ADAMTS3: variants seen among roughly 807,000 people sequenced by gnomAD.
ADAMTS3 encodes the protein ADAM metallopeptidase with thrombospondin type 1 motif 3.
In ADAMTS3, 73 loss-of-function variants were observed where a neutral mutation model predicts 129.0. The observed-to-expected ratio is 0.57, with a 90% CI of 0.47 to 0.69. The LOEUF (loss-of-function observed/expected upper bound fraction) is 0.69, where lower values mean the gene tolerates loss of function less well. ADAMTS3 is among the 30% of genes least tolerant of loss of function. The pLI, the probability that ADAMTS3 is intolerant of heterozygous loss-of-function variation, is 0.00. For synonymous variants in ADAMTS3, 477 were observed against 510.8 expected (o/e 0.93, Z 0.89); for missense variants, 1,457 against 1,514.5 (o/e 0.96, Z 0.63).
intron 4 of ADAMTS3, among the ~76,000 whole-genome samples, chr4:72,397,213 T>A (rs2109900988): frequency 1.3e-5 from 2 of 152,192 alleles, no homozygotes; most frequent in Middle Eastern, 6.8e-3. Context: ...TTTTTTAAAC[T>A]TGTAAAATAG....
At chr4:72,520,776 C>T (rs1720647491) in intron 3 of ADAMTS3, among the ~76,000 whole-genome samples, 1 of 152,132 alleles carries the variant, frequency 6.6e-6, no homozygotes, top group South Asian at 2.1e-4. Context: ...AGGAAACTCC[C>T]TGACCCCTTG....
chr4:72,525,019 A>G (rs893797021), intron 3 of ADAMTS3, among the ~76,000 whole-genome samples: 6 of 152,180 alleles, frequency 3.9e-5, no homozygotes, highest in African/African-American at 1.4e-4. Flanking sequence ...CACTGATTCC[A>G]TGATTCAACT....
chr4:72,502,854 C>T (rs542638975), intron 3 of ADAMTS3, among the ~76,000 whole-genome samples: 116 of 152,128 alleles, frequency 7.6e-4, no homozygotes, highest in Non-Finnish European at 1.1e-3. Context: ...CTCCTCCTAA[C>T]GTTATCCCTC....
At chr4:72,456,864 C>T (rs2109979355) in intron 3 of ADAMTS3, among the ~76,000 whole-genome samples, 1 of 151,678 alleles carries the variant, frequency 6.6e-6, no homozygotes, top group Non-Finnish European at 1.5e-5. Context: ...CCCAAGCCAA[C>T]ACAGGGAGGG....
intron 21 of ADAMTS3, among the ~76,000 whole-genome samples, chr4:72,288,494 A>G (rs1718569052): frequency 6.6e-6 from 1 of 152,208 alleles, no homozygotes; most frequent in African/African-American, 2.4e-5. Context: ...GACGTTACAT[A>G]TACATGGCAC....
intron 3 of ADAMTS3, among the ~76,000 whole-genome samples, chr4:72,512,739 C>T (rs1720349693): frequency 6.6e-6 from 1 of 152,016 alleles, no homozygotes; most frequent in Non-Finnish European, 1.5e-5. Context: ...CTACTATGTA[C>T]CCACAAAAAT....
intron 3 of ADAMTS3, among the ~76,000 whole-genome samples, chr4:72,434,901 T>A (rs1012596435): frequency 2.0e-5 from 3 of 151,822 alleles, no homozygotes; most frequent in Non-Finnish European, 2.9e-5. Context: ...GAGTGTGGCC[T>A]CTAGGAGAAA....
At chr4:72,380,249 C>A (rs1721252472) in intron 4 of ADAMTS3, among the ~76,000 whole-genome samples, 1 of 152,016 alleles carries the variant, frequency 6.6e-6, no homozygotes, top group Admixed American at 6.6e-5. Context: ...GGTACAAGAG[C>A]TATTATGAGA....
intron 10 of ADAMTS3, 22 bp from the exon 11 acceptor site, chr4:72,315,993 T>G: frequency 6.7e-7 from 1 of 1,489,970 alleles, no homozygotes; most frequent in Non-Finnish European, 9.3e-7. Context: ...ATAATCAAAT[T>G]GTCAGTGAAC....
chr4:72,546,620 C>T (rs909015295), intron 3 of ADAMTS3, among the ~76,000 whole-genome samples: 9 of 152,050 alleles, frequency 5.9e-5, no homozygotes, highest in Non-Finnish European at 1.2e-4. Context: ...CAAGGAGATG[C>T]TGTTCTAGCA....
chr4:72,426,032 A>G (rs571529164), intron 3 of ADAMTS3, among the ~76,000 whole-genome samples: 8 of 152,124 alleles, frequency 5.3e-5, no homozygotes, highest in Non-Finnish European at 8.8e-5. Flanking sequence ...CATTCTAACC[A>G]GTGTGAGATG....
rs114874622 is a variant in ADAMTS3, at chr4:72,434,966, A to G, written c.505-19995T>C. 4.7e-3 allele frequency among the ~76,000 whole-genome samples: 716 copies of G among 151,976 alleles called. 2 individuals carry two copies. The highest frequency in any genetic ancestry group is 0.013 in the African/African-American group (554 of 41,512). ...AAAATGTGGATCTCAATTAGCCACA[A>G]GGAAATTCAATTTTGCCACCAACCT... On this transcript the variant is annotated intron_variant, in intron 3 of 21. Coordinates refer to ENST00000286657, the MANE Select transcript of ADAMTS3 (RefSeq NM_014243.3).
intron 3 of ADAMTS3, among the ~76,000 whole-genome samples, chr4:72,495,678 G>C (rs944247148): frequency 2.0e-5 from 3 of 151,906 alleles, no homozygotes; most frequent in Admixed American, 2.0e-4. Flanking sequence ...ACCTCTTTCA[G>C]TTATTTTTTA....
At chr4:72,482,826 G>A (rs1470612972) in intron 3 of ADAMTS3, among the ~76,000 whole-genome samples, 1 of 152,088 alleles carries the variant, frequency 6.6e-6, no homozygotes, top group Non-Finnish European at 1.5e-5. Flanking sequence ...CTGCTGTGGG[G>A]ACCACAATGT....
At chr4:72,396,206 G>T (rs746152931) in intron 4 of ADAMTS3, among the ~76,000 whole-genome samples, 1 of 152,296 alleles carries the variant, frequency 6.6e-6, no homozygotes, top group African/African-American at 2.4e-5. Flanking sequence ...TAGCCAGTCT[G>T]AGTCACAGGT....
intron 3 of ADAMTS3, among the ~76,000 whole-genome samples, chr4:72,423,201 C>T (rs1001713458): frequency 6.6e-6 from 1 of 152,034 alleles, no homozygotes; most frequent in East Asian, 1.9e-4. Flanking sequence ...TATAGAATTG[C>T]AGCTGAAACT....
chr4:72,379,251 G>A (rs1305852171), intron 4 of ADAMTS3, among the ~76,000 whole-genome samples: 1 of 152,044 alleles, frequency 6.6e-6, no homozygotes, highest in Admixed American at 6.6e-5. Flanking sequence ...GCTTATCACA[G>A]CAACTGTCAT....
At chr4:72,325,965 A>G (rs1719688385) in intron 5 of ADAMTS3, among the ~76,000 whole-genome samples, 1 of 152,216 alleles carries the variant, frequency 6.6e-6, no homozygotes, top group Admixed American at 6.5e-5. Flanking sequence ...GGACAAAATT[A>G]TTAATCTCAA....
At chr4:72,306,168 G>GCAGTA in intron 15 of ADAMTS3, 101 bp from the exon 16 acceptor site, 3 of 741,190 alleles carry the variant, frequency 4.0e-6, no homozygotes, top group Non-Finnish European at 6.3e-6. Flanking sequence ...GCGTGCAGAA[G>GCAGTA]AGGGCATCCA....
Sources: gnomAD v4.1 joint callset for allele counts (sites outside exome capture counted in the v4.1 genomes callset) on GRCh38, gnomAD v4.1.1 for gene constraint, MANE v1.5 for transcripts, NCBI Gene and HGNC (gene_info 2026-07-23, HGNC 2026-07-21) for gene names.